The following GRB10 variants were observed in gnomAD, a reference collection of about 807,000 sequenced individuals.
GRB10 encodes growth factor receptor-bound protein 10.
Under a neutral mutation model 80.9 loss-of-function variants are expected in GRB10, and 20 were observed. The ratio of observed to expected loss-of-function variants is 0.25; its 90% CI spans 0.17 to 0.36. The LOEUF (loss-of-function observed/expected upper bound fraction) is 0.36. GRB10 is among the 10% of genes least tolerant of loss of function. GRB10 has a pLI of 1.00. For synonymous variants in GRB10, 291 were observed against 291.5 expected, an observed-to-expected ratio of 1.00 and a Z score of 0.02; for missense variants, 548 against 747.7, an observed-to-expected ratio of 0.73 and a Z score of 3.12.
chr7:50,694,371 G>C (rs913743846), intron 5 of GRB10, among the ~76,000 whole-genome samples: 1 of 152,176 alleles, frequency 6.6e-6, no homozygotes, highest in Non-Finnish European at 1.5e-5. Context: ...AATCCATCAC[G>C]AGGCCACTGA....
chr7:50,759,567 A>G (rs953096879), intron 2 of GRB10, among the ~76,000 whole-genome samples: 14 of 152,136 alleles, frequency 9.2e-5, no homozygotes, highest in African/African-American at 3.4e-4. Context: ...TAAATGCTAT[A>G]TTGTTTATGC....
intron 3 of GRB10, among the ~76,000 whole-genome samples, chr7:50,741,551 TAAA>T (rs752078809): frequency 1.7e-5 from 2 of 116,930 alleles, no homozygotes; most frequent in African/African-American, 6.8e-5. Context: ...AACATGTGTT[TAAA>T]AAAAAAAAAA....
intron 2 of GRB10, among the ~76,000 whole-genome samples, chr7:50,778,866 G>T (rs2077981044): frequency 6.6e-6 from 1 of 152,188 alleles, no homozygotes; most frequent in Admixed American, 6.5e-5. Flanking sequence ...AAGAAGGCAG[G>T]TGGGGCTTCC....
At chr7:50,680,018 A>G (rs1013560767) in intron 5 of GRB10, among the ~76,000 whole-genome samples, 1 of 152,254 alleles carries the variant, frequency 6.6e-6, no homozygotes, top group Non-Finnish European at 1.5e-5. Flanking sequence ...GAGTTTGGAC[A>G]TAAGTAAGTA....
intron 17 of GRB10, 56 bp downstream of exon 17, chr7:50,603,941 TC>T: frequency 2.3e-6 from 3 of 1,305,318 alleles, no homozygotes; most frequent in Middle Eastern, 1.8e-4. Context: ...ACAGAACAGA[TC>T]CCCAGCACAA....
Position 50,605,392 on chromosome 7 carries a change from C to G in GRB10, c.1287G>C (p.Glu429Asp). The change falls in exon 15 of 19, where the codon GAG becomes GAC. Residue 429 changes from glutamate to aspartate, a missense_variant. Transcript: ENST00000401949. ...AAAAATCCATTGCCACGAGGGAGTT[C>G]TCGGAGACACTGCGCTGAAAAGGAA... ...PFSTPVRSVS[E>D]NSLVAMDFSG... The G allele has an allele frequency of 6.2e-7, 1 of 1,613,982 alleles. No homozygotes were observed. Among genetic ancestry groups the G allele is most frequent in the Non-Finnish European group, 8.5e-7 (1 of 1,179,824 alleles).
At chr7:50,660,266 T>TG (rs1455694645) in intron 7 of GRB10, among the ~76,000 whole-genome samples, 1 of 150,572 alleles carries the variant, frequency 6.6e-6, no homozygotes, top group Non-Finnish European at 1.5e-5. Context: ...AAATGGGAAG[T>TG]GGGGGTGCAG....
chr7:50,775,503 C>A (rs1436159846), intron 2 of GRB10, among the ~76,000 whole-genome samples: 1 of 152,162 alleles, frequency 6.6e-6, no homozygotes, highest in Non-Finnish European at 1.5e-5. Flanking sequence ...TACAGGCTCT[C>A]GAGGGCAGCC....
At chr7:50,652,671 C>T (rs1314228230) in intron 7 of GRB10, among the ~76,000 whole-genome samples, 1 of 152,186 alleles carries the variant, frequency 6.6e-6, no homozygotes, top group African/African-American at 2.4e-5. Context: ...TGCTAACAAC[C>T]AAGCCCTCCG....
chr7:50,668,180 C>G (rs73346826), intron 7 of GRB10, among the ~76,000 whole-genome samples: 4 of 152,068 alleles, frequency 2.6e-5, no homozygotes, highest in Non-Finnish European at 5.9e-5. Flanking sequence ...GAGGTCAGAA[C>G]GGGACCCACA....
intron 7 of GRB10, among the ~76,000 whole-genome samples, chr7:50,654,732 C>G (rs745467844): frequency 6.6e-6 from 1 of 152,154 alleles, no homozygotes; most frequent in Non-Finnish European, 1.5e-5. Context: ...TCACCCCATT[C>G]GCTTTATCAA....
chr7:50,670,646 T>A (rs1337992596), intron 6 of GRB10, among the ~76,000 whole-genome samples: 2 of 152,102 alleles, frequency 1.3e-5, no homozygotes, highest in East Asian at 3.9e-4. Flanking sequence ...AGTGAATACC[T>A]GATGTGTGAA....
intron 2 of GRB10, among the ~76,000 whole-genome samples, chr7:50,775,027 G>C (rs1313748523): frequency 1.3e-5 from 2 of 150,676 alleles, no homozygotes; most frequent in Non-Finnish European, 3.0e-5. Context: ...TGGGCGTGAT[G>C]GCACACGCCT....
At chr7:50,705,886 G>A (rs757759948) in intron 4 of GRB10, among the ~76,000 whole-genome samples, 21 of 152,246 alleles carry the variant, frequency 1.4e-4, no homozygotes, top group Non-Finnish European at 2.6e-4. Flanking sequence ...AAGAACCTCC[G>A]CAACAGGCGC....
intron 4 of GRB10, among the ~76,000 whole-genome samples, chr7:50,717,844 C>T (rs773857166): frequency 7.2e-5 from 11 of 152,220 alleles, no homozygotes; most frequent in Non-Finnish European, 1.3e-4. Flanking sequence ...ATACACAGAT[C>T]GGTTCACCCT....
At chr7:50,771,446 AG>A (rs141827355) in intron 2 of GRB10, among the ~76,000 whole-genome samples, 85 of 152,280 alleles carry the variant, frequency 5.6e-4, no homozygotes, top group African/African-American at 1.9e-3. Flanking sequence ...CTCCTGCATA[AG>A]CCACACGAAC....
At chr7:50,600,948 CTG>C (rs1210500842) in intron 17 of GRB10, among the ~76,000 whole-genome samples, 1 of 152,222 alleles carries the variant, frequency 6.6e-6, no homozygotes, top group African/African-American at 2.4e-5. Flanking sequence ...CAATGCAGCA[CTG>C]TGTCTCATAA....
chr7:50,787,996 A>T (rs542410802), intron 1 of GRB10, among the ~76,000 whole-genome samples: 86 of 152,304 alleles, frequency 5.6e-4, no homozygotes, highest in African/African-American at 2.0e-3. Context: ...CAGGATGTGA[A>T]GACCGTCTAG....
chr7:50,617,947 G>T, intron 10 of GRB10, 124 bp downstream of exon 10: 2 of 863,522 alleles, frequency 2.3e-6, no homozygotes, highest in Non-Finnish European at 3.9e-6. Flanking sequence ...TCCGGCTTAA[G>T]AGCCAAGGTT....
Sources: allele counts gnomAD v4.1 joint callset (sites outside exome capture counted in the v4.1 genomes callset), GRCh38; gene constraint gnomAD v4.1.1; transcripts MANE v1.5; gene names NCBI Gene and HGNC (gene_info 2026-07-23, HGNC 2026-07-21).